The following SCAPER variants were observed in gnomAD, a reference collection of about 807,000 sequenced individuals.
The protein encoded by SCAPER is S-phase cyclin A associated protein in the ER.
A neutral mutation model predicts 182.2 loss-of-function variants in SCAPER; 98 were observed. That is an observed-to-expected ratio of 0.54 (90% CI 0.46 to 0.64). The LOEUF (loss-of-function observed/expected upper bound fraction) is 0.64, where lower values mean the gene tolerates loss of function less well. Among genes scored for constraint, SCAPER ranks in the 30% least tolerant of loss-of-function variants. The pLI, the probability that SCAPER is intolerant of heterozygous loss-of-function variation, is 0.00. For missense variants in SCAPER, 1,432 were observed against 1,690.0 expected (o/e 0.85, Z 2.68); for synonymous variants, 605 against 564.6 (o/e 1.07, Z -1.01).
intron 8 of SCAPER, among the ~76,000 whole-genome samples, chr15:76,788,028 T>C (rs778097444): frequency 2.0e-5 from 3 of 152,186 alleles, no homozygotes; most frequent in Non-Finnish European, 4.4e-5. Flanking sequence ...GGCAAAGACA[T>C]GAGCAAACAT....
Position 76,724,900 on chromosome 15 carries a change from T to G in SCAPER, c.2165+3695A>C, listed in dbSNP as rs537165872. Among the ~76,000 whole-genome samples the G allele has an allele frequency of 3.9e-5, 6 of 152,292 alleles. No individual in the cohort carries two copies. In the South Asian group the frequency reaches 1.2e-3, roughly 32 times the overall value. ...CCTCCTTTAGCTCAGAGTAGTCCGC[T>G]GTTCTGAAGCCTTCTTCTCTCAACG... On this transcript the variant is annotated intron_variant, in intron 17 of 31. Coordinates refer to ENST00000563290, the MANE Select transcript of SCAPER (RefSeq NM_020843.4).
chr15:76,464,615 T>C (rs1048876087), intron 25 of SCAPER, among the ~76,000 whole-genome samples: 3 of 152,124 alleles, frequency 2.0e-5, no homozygotes, highest in Admixed American at 2.0e-4. Context: ...TAAGAGTCAA[T>C]TGTATATGCC....
At chr15:76,372,219 T>C (rs1271812465) in intron 29 of SCAPER, among the ~76,000 whole-genome samples, 15 of 152,242 alleles carry the variant, frequency 9.9e-5, no homozygotes, top group Admixed American at 9.8e-4. Context: ...TTCCTCAGCA[T>C]GAGCTTACCT....
At chr15:76,633,639 C>T (rs989314833) in intron 21 of SCAPER, among the ~76,000 whole-genome samples, 1 of 152,208 alleles carries the variant, frequency 6.6e-6, no homozygotes, top group Admixed American at 6.5e-5. Context: ...GCAATTCCCA[C>T]AGGGAGGCCT....
chr15:76,716,405 A>G (rs2059890976), intron 17 of SCAPER, among the ~76,000 whole-genome samples: 1 of 152,182 alleles, frequency 6.6e-6, no homozygotes. Flanking sequence ...AACATGAAAA[A>G]GCAAGGAAAT....
chr15:76,625,773 T>C (rs1024299549), intron 21 of SCAPER, among the ~76,000 whole-genome samples: 1 of 151,962 alleles, frequency 6.6e-6, no homozygotes, highest in Non-Finnish European at 1.5e-5. Context: ...GAGTCCACGG[T>C]GGGAATGTGG....
intron 22 of SCAPER, among the ~76,000 whole-genome samples, chr15:76,588,532 T>C (rs1329585235): frequency 1.3e-5 from 2 of 152,230 alleles, no homozygotes; most frequent in Non-Finnish European, 2.9e-5. Flanking sequence ...GCTTGGTTAG[T>C]GAATTCTTAC....
chr15:76,724,053 G>T, intron 17 of SCAPER, among the ~76,000 whole-genome samples: 1 of 152,070 alleles, frequency 6.6e-6, no homozygotes, highest in Non-Finnish European at 1.5e-5. Flanking sequence ...TTTTGCAGTG[G>T]GTGGTACCGG....
At chr15:76,680,210 C>T (rs1305862005) in intron 20 of SCAPER, among the ~76,000 whole-genome samples, 1 of 152,022 alleles carries the variant, frequency 6.6e-6, no homozygotes, top group Non-Finnish European at 1.5e-5. Flanking sequence ...CATCACAGTG[C>T]TGTTAACTTC....
At chr15:76,703,768 T>C (rs567582803) in intron 18 of SCAPER, among the ~76,000 whole-genome samples, 1 of 152,314 alleles carries the variant, frequency 6.6e-6, no homozygotes, top group Admixed American at 6.5e-5. Flanking sequence ...GTACTTAGCA[T>C]CTGAATTTAA....
chr15:76,668,728 G>A (rs2056800175), intron 20 of SCAPER, among the ~76,000 whole-genome samples: 1 of 152,028 alleles, frequency 6.6e-6, no homozygotes, highest in Admixed American at 6.6e-5. Context: ...GTTTCCCAAG[G>A]GCAATGACTT....
intron 23 of SCAPER, among the ~76,000 whole-genome samples, chr15:76,548,564 T>C (rs1046555156): frequency 1.3e-5 from 2 of 152,200 alleles, no homozygotes; most frequent in African/African-American, 4.8e-5. Flanking sequence ...ACACTGCATC[T>C]GTAAGCGCCA....
At chr15:76,727,849 CA>C (rs1453959467) in intron 17 of SCAPER, among the ~76,000 whole-genome samples, 1 of 150,254 alleles carries the variant, frequency 6.7e-6, no homozygotes, top group Non-Finnish European at 1.5e-5. Context: ...CCCTAAACAT[CA>C]ATAAGAAAAA....
intron 25 of SCAPER, among the ~76,000 whole-genome samples, chr15:76,437,026 T>C (rs1166806283): frequency 6.6e-6 from 1 of 152,202 alleles, no homozygotes; most frequent in African/African-American, 2.4e-5. Context: ...GAGAATGTGT[T>C]TTCACTAAAT....
At chr15:76,794,586 G>T (rs771387406) in intron 8 of SCAPER, among the ~76,000 whole-genome samples, 5 of 152,154 alleles carry the variant, frequency 3.3e-5, no homozygotes, top group Non-Finnish European at 5.9e-5. Flanking sequence ...TTTCTGAACC[G>T]AAAAGTTCCA....
intron 5 of SCAPER, among the ~76,000 whole-genome samples, chr15:76,829,054 C>T (rs2151700881): frequency 6.6e-6 from 1 of 152,240 alleles, no homozygotes; most frequent in Non-Finnish European, 1.5e-5. Context: ...TTGAAACCAA[C>T]CTAAATATCC....
chr15:76,830,123 T>C (rs962583224), intron 5 of SCAPER, among the ~76,000 whole-genome samples: 7 of 151,982 alleles, frequency 4.6e-5, no homozygotes, highest in Non-Finnish European at 8.8e-5. Flanking sequence ...AAGAGTGTTC[T>C]GGGCGGAAAA....
At chr15:76,755,794 G>A (rs2077167789) in intron 14 of SCAPER, among the ~76,000 whole-genome samples, 1 of 152,060 alleles carries the variant, frequency 6.6e-6, no homozygotes, top group South Asian at 2.1e-4. Flanking sequence ...GAAATCACTG[G>A]CCATGTCATG....
At chr15:76,558,912 C>T (rs574865047) in intron 23 of SCAPER, among the ~76,000 whole-genome samples, 6 of 152,300 alleles carry the variant, frequency 3.9e-5, no homozygotes, top group African/African-American at 1.4e-4. Context: ...CCACCCAAAT[C>T]TCATCTTGAA....
Sources: gnomAD v4.1 joint callset for allele counts (sites outside exome capture counted in the v4.1 genomes callset) on GRCh38, gnomAD v4.1.1 for gene constraint, MANE v1.5 for transcripts, NCBI Gene and HGNC (gene_info 2026-07-23, HGNC 2026-07-21) for gene names.